GFOD1: variants seen among roughly 807,000 people sequenced by gnomAD.
GFOD1 encodes the protein glucose-fructose oxidoreductase domain-containing protein 1.
GFOD1 carries 9 observed loss-of-function variants against 25.4 expected under a neutral mutation model. The ratio of observed to expected loss-of-function variants is 0.35; its 90% CI spans 0.21 to 0.62. GFOD1 has a LOEUF of 0.62. Among genes scored for constraint, GFOD1 ranks in the 20% least tolerant of loss-of-function variants. The pLI is 0.72. For missense variants in GFOD1, 403 were observed against 556.9 expected (o/e 0.72, Z 2.78); for synonymous variants, 253 against 245.6 (o/e 1.03, Z -0.28).
intron 1 of GFOD1, among the ~76,000 whole-genome samples, chr6:13,432,707 G>A (rs1757770516): frequency 6.6e-6 from 1 of 152,084 alleles, no homozygotes; most frequent in African/African-American, 2.4e-5. Context: ...TTCCCTTGAG[G>A]TTCCAGCCTG....
At chr6:13,423,490 G>A (rs1274639805) in intron 1 of GFOD1, among the ~76,000 whole-genome samples, 1 of 152,112 alleles carries the variant, frequency 6.6e-6, no homozygotes. Flanking sequence ...ACACAGACAC[G>A]CCTGAAATAT....
chr6:13,455,427 C>T (rs1758171321), intron 1 of GFOD1, among the ~76,000 whole-genome samples: 1 of 152,152 alleles, frequency 6.6e-6, no homozygotes. Context: ...GGAAAGCCAC[C>T]TTGTCATTGG....
At chr6:13,379,947 G>A (rs1785327488) in intron 1 of GFOD1, among the ~76,000 whole-genome samples, 2 of 152,192 alleles carry the variant, frequency 1.3e-5, no homozygotes, top group Non-Finnish European at 2.9e-5. Context: ...AAGAAGCTTA[G>A]TTCACTTACC....
At chr6:13,446,038 A>G (rs1388746031) in intron 1 of GFOD1, among the ~76,000 whole-genome samples, 1 of 152,246 alleles carries the variant, frequency 6.6e-6, no homozygotes, top group Non-Finnish European at 1.5e-5. Flanking sequence ...TGATGCTGGC[A>G]GGGTCAAAAA....
At chr6:13,398,155 C>A (rs1309387008) in intron 1 of GFOD1, among the ~76,000 whole-genome samples, 5 of 152,188 alleles carry the variant, frequency 3.3e-5, no homozygotes, top group Non-Finnish European at 5.9e-5. Context: ...CTGCTCTGAG[C>A]CTCGGCTTCC....
intron 1 of GFOD1, among the ~76,000 whole-genome samples, chr6:13,474,795 C>G (rs2841552): frequency 0.98 from 149,543 of 152,336 alleles, 73,458 homozygotes; most frequent in Middle Eastern, 1. Flanking sequence ...CAATCTTCAA[C>G]TTGGAAATGC....
chr6:13,370,830 T>G (rs1785138535), intron 1 of GFOD1, among the ~76,000 whole-genome samples: 2 of 152,176 alleles, frequency 1.3e-5, no homozygotes, highest in Admixed American at 6.5e-5. Flanking sequence ...AGTGTGTGGT[T>G]GACATACCCC....
chr6:13,389,485 C>G (rs1170087181), intron 1 of GFOD1, among the ~76,000 whole-genome samples: 1 of 152,054 alleles, frequency 6.6e-6, no homozygotes, highest in Non-Finnish European at 1.5e-5. Flanking sequence ...AAGCTGGAAA[C>G]CATCATTCTC....
intron 1 of GFOD1, among the ~76,000 whole-genome samples, chr6:13,369,977 T>C (rs964248728): frequency 6.6e-6 from 1 of 152,174 alleles, no homozygotes; most frequent in African/African-American, 2.4e-5. Context: ...TTCCATATTT[T>C]CTAAATTTGT....
At chr6:13,471,562 C>G (rs1439584802) in intron 1 of GFOD1, among the ~76,000 whole-genome samples, 1 of 152,206 alleles carries the variant, frequency 6.6e-6, no homozygotes, top group Non-Finnish European at 1.5e-5. Flanking sequence ...ACATCTTCTT[C>G]TCATTAATAA....
rs574833992 is a variant in GFOD1 at position 13,375,689 on chromosome 6, G to A, written c.254-10027C>T. ...CTTTCTACATTCAACCCGCCCATAA[G>A]GCCAAGCCCCTATCCCACCAACCCC... On this transcript the variant is annotated intron_variant, in intron 1 of 1. Transcript: ENST00000379287. Among the ~76,000 whole-genome samples the A allele has an allele frequency of 3.3e-5, 5 of 152,218 alleles. No individual in the cohort carries two copies. In the East Asian group the frequency reaches 9.7e-4, roughly 29 times the overall value.
chr6:13,393,959 T>C lies in GFOD1; in HGVS notation c.254-28297A>G, dbSNP rs145109877. Reference sequence around the variant, plus strand: ...ACGCCCGGCTAATTTTTTGTATTTTTAGTAGAGACGGGTTTCACCATGTTA... The same window carrying C: ...ACGCCCGGCTAATTTTTTGTATTTTCAGTAGAGACGGGTTTCACCATGTTA... On this transcript the variant is annotated intron_variant, in intron 1 of 1. Coordinates refer to ENST00000379287, the MANE Select transcript of GFOD1 (RefSeq NM_018988.4). Among the ~76,000 whole-genome samples, 226 of 152,122 alleles carry C rather than the reference T, an allele frequency of 1.5e-3. 1 individual carries two copies. Among genetic ancestry groups the C allele is most frequent in the African/African-American group, 4.6e-3 (192 of 41,532 alleles).
At chr6:13,441,079 T>C (rs1047329453) in intron 1 of GFOD1, among the ~76,000 whole-genome samples, 3 of 152,346 alleles carry the variant, frequency 2.0e-5, no homozygotes, top group South Asian at 2.1e-4. Context: ...AAGGTTGATA[T>C]AATTTGGTAC....
At chr6:13,435,235 C>T (rs1311543924) in intron 1 of GFOD1, among the ~76,000 whole-genome samples, 1 of 152,082 alleles carries the variant, frequency 6.6e-6, no homozygotes, top group Non-Finnish European at 1.5e-5. Context: ...GTGTCTTTGA[C>T]CTGTAAAATA....
chr6:13,482,694 GC>G (rs1363652697), intron 1 of GFOD1, among the ~76,000 whole-genome samples: 1 of 152,160 alleles, frequency 6.6e-6, no homozygotes, highest in African/African-American at 2.4e-5. Context: ...GTTGCAGTGA[GC>G]CAAGATCGCA....
intron 1 of GFOD1, among the ~76,000 whole-genome samples, chr6:13,407,267 T>C (rs1053408842): frequency 3.3e-5 from 5 of 152,206 alleles, no homozygotes; most frequent in Non-Finnish European, 1.5e-5. Flanking sequence ...AATTGTATGC[T>C]TGGGATCTAT....
chr6:13,366,896 T>C (rs1030169771), intron 1 of GFOD1, among the ~76,000 whole-genome samples: 4 of 152,080 alleles, frequency 2.6e-5, no homozygotes, highest in East Asian at 1.9e-4. Context: ...TGTTTAACAA[T>C]ATTTGCTAAG....
intron 1 of GFOD1, among the ~76,000 whole-genome samples, chr6:13,481,381 T>C (rs1375548387): frequency 6.6e-6 from 1 of 152,142 alleles, no homozygotes; most frequent in Non-Finnish European, 1.5e-5. Flanking sequence ...GATTGGCATG[T>C]GAGGAACAGA....
intron 1 of GFOD1, among the ~76,000 whole-genome samples, chr6:13,459,464 A>G (rs746372020): frequency 6.6e-6 from 1 of 152,118 alleles, no homozygotes; most frequent in Non-Finnish European, 1.5e-5. Flanking sequence ...TTTTATGATG[A>G]AACTGCCAAA....
Sources: allele counts gnomAD v4.1 joint callset (sites outside exome capture counted in the v4.1 genomes callset), GRCh38; gene constraint gnomAD v4.1.1; transcripts MANE v1.5; gene names NCBI Gene and HGNC (gene_info 2026-07-23, HGNC 2026-07-21).